The following ZNF521 variants were observed in gnomAD, a reference collection of about 807,000 sequenced individuals.
ZNF521 encodes the protein LYST-interacting protein 3.
ZNF521 carries 14 observed loss-of-function variants against 105.5 expected under a neutral mutation model. The ratio of observed to expected loss-of-function variants is 0.13; its 90% CI spans 0.09 to 0.21. The LOEUF (loss-of-function observed/expected upper bound fraction) is 0.21. ZNF521 is among the 10% of genes least tolerant of loss of function. ZNF521 has a pLI of 1.00. For synonymous variants in ZNF521, 635 were observed against 606.0 expected, an observed-to-expected ratio of 1.05 and a Z score of -0.70; for missense variants, 1,233 against 1,629.7, an observed-to-expected ratio of 0.76 and a Z score of 4.19.
intron 5 of ZNF521, among the ~76,000 whole-genome samples, chr18:25,100,681 T>TA (rs796410464): frequency 1.8e-3 from 263 of 143,136 alleles, no homozygotes; most frequent in African/African-American, 4.6e-3. Context: ...CTTGAAGAAT[T>TA]AAAAAAAAAA....
intron 3 of ZNF521, among the ~76,000 whole-genome samples, chr18:25,289,645 A>T (rs1372072701): frequency 6.6e-6 from 1 of 152,152 alleles, no homozygotes; most frequent in East Asian, 1.9e-4. Context: ...TTCCCTAACC[A>T]ACGCATTCCC....
chr18:25,204,048 G>GCTCCTGCTTTCC (rs1428132838), intron 4 of ZNF521, among the ~76,000 whole-genome samples: 2 of 152,126 alleles, frequency 1.3e-5, no homozygotes, highest in Admixed American at 6.5e-5. Flanking sequence ...GGAGATGCTT[G>GCTCCTGCTTTCC]CTCCTGCTTT....
Position 25,227,745 on chromosome 18 carries a change from A to G in ZNF521, c.221-48T>C. On this transcript the variant is annotated intron_variant, in intron 3 of 7. Coordinates refer to ENST00000361524, the MANE Select transcript of ZNF521 (RefSeq NM_015461.3). The surrounding 1 kb of genome is among the most constrained non-coding windows in gnomAD (Gnocchi z 5.7). ...ATTTCATCTGACATGTTGAGATTCA[A>G]GAGTGAGTTTACCGTAGCATTTCAA... 6.6e-7 allele frequency: 1 copy of G among 1,521,718 alleles called. No homozygotes were observed. Among genetic ancestry groups the G allele is most frequent in the Non-Finnish European group, 8.9e-7 (1 of 1,119,672 alleles). 94.3% of individuals were successfully genotyped at this position (1,521,718 alleles called of 1,614,324 possible).
intron 5 of ZNF521, among the ~76,000 whole-genome samples, chr18:25,128,329 G>T (rs1270452868): frequency 1.3e-5 from 2 of 151,860 alleles, no homozygotes; most frequent in Non-Finnish European, 2.9e-5. Context: ...ATTTCATGAA[G>T]AATATCTACA....
chr18:25,346,953 A>G (rs997123524), intron 2 of ZNF521, among the ~76,000 whole-genome samples: 21 of 152,170 alleles, frequency 1.4e-4, no homozygotes, highest in African/African-American at 4.8e-4. Flanking sequence ...ACACCTTTAT[A>G]TAGTGGACCA....
chr18:25,116,946 C>CATAT (rs1275791288), intron 5 of ZNF521, among the ~76,000 whole-genome samples: 3 of 138,950 alleles, frequency 2.2e-5, no homozygotes, highest in Non-Finnish European at 3.0e-5. Context: ...TATATATACA[C>CATAT]ATATATATGT....
intron 3 of ZNF521, among the ~76,000 whole-genome samples, chr18:25,294,158 G>A (rs1055543989): frequency 6.6e-6 from 1 of 152,042 alleles, no homozygotes; most frequent in Admixed American, 6.6e-5. Context: ...ACTATTAAAG[G>A]TTTCTCTTAA....
chr18:25,131,604 G>C (rs1414308866), intron 5 of ZNF521, among the ~76,000 whole-genome samples: 5 of 152,028 alleles, frequency 3.3e-5, no homozygotes, highest in Non-Finnish European at 7.4e-5. Context: ...TTTGACCCAA[G>C]CTCCTTTAGA....
intron 5 of ZNF521, among the ~76,000 whole-genome samples, chr18:25,094,425 G>A (rs1362191537): frequency 6.6e-6 from 1 of 152,046 alleles, no homozygotes; most frequent in Non-Finnish European, 1.5e-5. Flanking sequence ...TCATAAAAAG[G>A]TGACACACAG....
In ZNF521 at chr18:25,164,506, A is replaced by G. The variant is rs1352151235; in HGVS notation, c.3658+30654T>C. Among the ~76,000 whole-genome samples, 4 of 152,232 alleles carry G rather than the reference A, an allele frequency of 2.6e-5. No homozygotes were observed. In the East Asian group the frequency reaches 7.7e-4, roughly 29 times the overall value. ...CCACATTTTTGCACGGAAAGAAACT[A>G]GGAAGATCAAAGTAGTCCTGTGTGT... On this transcript the variant is annotated intron_variant, in intron 5 of 7. Coordinates refer to ENST00000361524, the MANE Select transcript of ZNF521 (RefSeq NM_015461.3).
At chr18:25,125,121 A>G (rs887949133) in intron 5 of ZNF521, among the ~76,000 whole-genome samples, 2 of 152,156 alleles carry the variant, frequency 1.3e-5, no homozygotes, top group Non-Finnish European at 2.9e-5. Context: ...CACCCTCCAC[A>G]TAATATTTGA....
At chr18:25,117,281 T>C (rs2034347927) in intron 5 of ZNF521, among the ~76,000 whole-genome samples, 1 of 151,952 alleles carries the variant, frequency 6.6e-6, no homozygotes, top group Non-Finnish European at 1.5e-5. Flanking sequence ...GCGGTCCAAA[T>C]GATGGTTTGC....
intron 5 of ZNF521, among the ~76,000 whole-genome samples, chr18:25,180,719 C>T (rs1172489679): frequency 1.3e-5 from 2 of 152,116 alleles, no homozygotes; most frequent in East Asian, 3.9e-4. Context: ...CTCTATTTCT[C>T]CACCATACTG....
intron 3 of ZNF521, among the ~76,000 whole-genome samples, chr18:25,299,034 C>T (rs1911479784): frequency 6.6e-6 from 1 of 152,194 alleles, no homozygotes; most frequent in Non-Finnish European, 1.5e-5. Context: ...CCTACCACTT[C>T]CCACGTGGAA....
chr18:25,161,033 T>C (rs1449373372), intron 5 of ZNF521, among the ~76,000 whole-genome samples: 1 of 152,110 alleles, frequency 6.6e-6, no homozygotes, highest in Non-Finnish European at 1.5e-5. Context: ...GATGCAGTTG[T>C]TAATACAGAT....
At chr18:25,096,288 G>A (rs1433417408) in intron 5 of ZNF521, among the ~76,000 whole-genome samples, 1 of 152,088 alleles carries the variant, frequency 6.6e-6, no homozygotes, top group East Asian at 1.9e-4. Flanking sequence ...ACAAAATTTT[G>A]TGCTCTAAGA....
At chr18:25,178,423 T>C (rs372880846) in intron 5 of ZNF521, among the ~76,000 whole-genome samples, 1 of 152,350 alleles carries the variant, frequency 6.6e-6, no homozygotes, top group Non-Finnish European at 1.5e-5. Flanking sequence ...TTCAAAATGA[T>C]ATGAACATAA....
intron 3 of ZNF521, among the ~76,000 whole-genome samples, chr18:25,242,954 C>T (rs776756259): frequency 1.3e-5 from 2 of 152,190 alleles, no homozygotes; most frequent in African/African-American, 2.4e-5. Flanking sequence ...AACAAAAGAA[C>T]CCCAAATCAG....
intron 7 of ZNF521, among the ~76,000 whole-genome samples, chr18:25,086,976 A>G: frequency 6.6e-6 from 1 of 152,194 alleles, no homozygotes; most frequent in East Asian, 1.9e-4. Flanking sequence ...CAATAATATT[A>G]GACATTATTT....
Sources: allele counts gnomAD v4.1 joint callset (sites outside exome capture counted in the v4.1 genomes callset), GRCh38; gene constraint gnomAD v4.1.1; non-coding constraint Gnocchi (gnomAD v3.1); transcripts MANE v1.5; gene names NCBI Gene and HGNC (gene_info 2026-07-23, HGNC 2026-07-21).